The following ADGRL2 variants were observed in gnomAD, a reference collection of about 807,000 sequenced individuals.
ADGRL2 encodes the protein adhesion G protein-coupled receptor L2, also known as calcium-independent alpha-latrotoxin receptor 2.
In ADGRL2, 44 loss-of-function variants were observed where a neutral mutation model predicts 157.4. That is an observed-to-expected ratio of 0.28 (90% CI 0.22 to 0.36). The LOEUF (loss-of-function observed/expected upper bound fraction) is 0.36, where lower values mean the gene tolerates loss of function less well. ADGRL2 is among the 10% of genes least tolerant of loss of function. The pLI is 1.00. For missense variants in ADGRL2, 1,510 were observed against 1,768.9 expected, an observed-to-expected ratio of 0.85 and a Z score of 2.63; for synonymous variants, 585 against 624.7, an observed-to-expected ratio of 0.94 and a Z score of 0.95.
At chr1:81,938,720 T>C (rs1006008494) in intron 4 of ADGRL2, among the ~76,000 whole-genome samples, 1 of 151,624 alleles carries the variant, frequency 6.6e-6, no homozygotes, top group Non-Finnish European at 1.5e-5. Context: ...TACTCTACAG[T>C]AGTGACACTC....
intron 1 of ADGRL2, among the ~76,000 whole-genome samples, chr1:81,390,537 G>A (rs550805062): frequency 9.9e-5 from 15 of 150,788 alleles, no homozygotes; most frequent in African/African-American, 3.6e-4. Flanking sequence ...AGCTCAAATA[G>A]CATGATAGAT....
At chr1:81,722,291 TA>T (rs1037353995) in intron 1 of ADGRL2, 4,303 of 423,418 alleles carry the variant, frequency 0.01, no homozygotes, top group East Asian at 0.015. Context: ...AGACTCCGTC[TA>T]AAAAAAAAAG....
chr1:81,532,968 CTATCATCTATCT>C (rs2079640569), intron 2 of ADGRL2, among the ~76,000 whole-genome samples: 1 of 149,930 alleles, frequency 6.7e-6, no homozygotes, highest in African/African-American at 2.4e-5. Context: ...ATCTATCTAT[CTATCATCTATCT>C]ATCTATCTAT....
chr1:81,557,467 GAAGAAAGAAAGAAAGAAGA>G (rs1208390910), intron 2 of ADGRL2: 3 of 122,094 alleles, frequency 2.5e-5, no homozygotes, highest in African/African-American at 6.2e-5. Context: ...AAGAAAGAAA[GAAGAAAGAAAGAAAGAAGA>G]AAGAAAGAAA....
At chr1:81,403,245 GTTTGT>G (rs780268880) in intron 1 of ADGRL2, among the ~76,000 whole-genome samples, 37,481 of 84,304 alleles carry the variant, frequency 0.44, 5,488 homozygotes, top group Non-Finnish European at 0.58. Flanking sequence ...TTTTGTTGTT[GTTTGT>G]TTGTTTGTTT....
chr1:81,397,048 T>C (rs1479181280), intron 1 of ADGRL2, among the ~76,000 whole-genome samples: 1 of 152,188 alleles, frequency 6.6e-6, no homozygotes, highest in African/African-American at 2.4e-5. Context: ...TAAGAACAAT[T>C]GGTATTCATT....
At chr1:81,650,471 G>A (rs1395351887) in intron 3 of ADGRL2, among the ~76,000 whole-genome samples, 2 of 151,686 alleles carry the variant, frequency 1.3e-5, no homozygotes, top group African/African-American at 4.8e-5. Flanking sequence ...AGCTACTCGG[G>A]AGGCTGAGGC....
intron 1 of ADGRL2, among the ~76,000 whole-genome samples, chr1:81,344,666 C>CA (rs71592731): frequency 0.41 from 22,328 of 54,960 alleles, 4,505 homozygotes; most frequent in African/African-American, 0.44. Context: ...AACTCTGTCT[C>CA]AAAAAAAAAA....
intron 2 of ADGRL2, chr1:81,502,006 C>A (rs1230906459): frequency 3.1e-5 from 49 of 1,605,104 alleles, no homozygotes; most frequent in Non-Finnish European, 3.7e-5. Context: ...TTCCACCCAC[C>A]GCAGCAGTGG....
chr1:81,469,841 G>A (rs910040807), intron 2 of ADGRL2, among the ~76,000 whole-genome samples: 2 of 152,182 alleles, frequency 1.3e-5, no homozygotes, highest in Non-Finnish European at 1.5e-5. Context: ...CACCTCGTCA[G>A]TGTGCTTCTT....
chr1:81,885,901 AC>A (rs1377760114), intron 2 of ADGRL2, among the ~76,000 whole-genome samples: 8 of 152,148 alleles, frequency 5.3e-5, no homozygotes, highest in Admixed American at 4.6e-4. Context: ...CAAAACTGTG[AC>A]GAATTAGGCT....
chr1:81,474,087 T>C (rs187606694), intron 2 of ADGRL2, among the ~76,000 whole-genome samples: 1 of 152,328 alleles, frequency 6.6e-6, no homozygotes, highest in Admixed American at 6.5e-5. Context: ...GGTCTCCCAG[T>C]GTAGGCAAGC....
chr1:81,895,559 A>AT (rs932994484), intron 2 of ADGRL2, among the ~76,000 whole-genome samples: 10 of 151,250 alleles, frequency 6.6e-5, no homozygotes, highest in African/African-American at 1.9e-4. Flanking sequence ...CAGCTAGCTA[A>AT]TTTTTTTGTA....
chr1:81,812,889 A>C (rs1484739289), intron 1 of ADGRL2, among the ~76,000 whole-genome samples: 1 of 151,814 alleles, frequency 6.6e-6, no homozygotes, highest in African/African-American at 2.4e-5. Context: ...CTTGGGAAAA[A>C]AATGAATGCA....
intron 1 of ADGRL2, among the ~76,000 whole-genome samples, chr1:81,707,028 A>G (rs2083758675): frequency 1.3e-5 from 2 of 152,104 alleles, no homozygotes; most frequent in South Asian, 4.2e-4. Context: ...AGAAATAGGG[A>G]CTACCTCAAA....
At chr1:81,556,637 A>T (rs1025574231) in intron 2 of ADGRL2, among the ~76,000 whole-genome samples, 2 of 151,870 alleles carry the variant, frequency 1.3e-5, no homozygotes, top group African/African-American at 4.8e-5. Context: ...ATTTTTTTTT[A>T]CTTGGTTTAT....
At position 81,943,681 on chromosome 1, in the gene ADGRL2, C is replaced by T. The variant is rs373380927; in HGVS notation, c.1122C>T (p.Tyr374=). The T allele has an allele frequency of 1.9e-5, 31 of 1,613,246 alleles. No homozygotes were observed. Among genetic ancestry groups the T allele is most frequent in the African/African-American group, 2.7e-5 (2 of 74,870 alleles). Residue 374 remains tyrosine, a synonymous_variant, in exon 6 of 24, where the codon TAC becomes TAT. Coordinates refer to ENST00000686636, the MANE Select transcript of ADGRL2 (RefSeq NM_001366006.2). This position sits in a 1 kb window ranked among gnomAD's most constrained non-coding sequence, Gnocchi z 5.6. ...ATCAGTATATTGCTGCAGTGGATTA[C>T]AATCCAAGAGATAACCAACTTTACG... ...NQYQYIAAVD[Y]NPRDNQLYVW...
At chr1:81,849,504 TAA>T in intron 2 of ADGRL2, among the ~76,000 whole-genome samples, 1 of 152,000 alleles carries the variant, frequency 6.6e-6, no homozygotes, top group East Asian at 1.9e-4. Flanking sequence ...CTAAGGCAAC[TAA>T]AAGAATCATT....
At chr1:81,443,488 C>T (rs2077546247) in intron 1 of ADGRL2, among the ~76,000 whole-genome samples, 1 of 151,588 alleles carries the variant, frequency 6.6e-6, no homozygotes, top group Admixed American at 6.6e-5. Context: ...GTAGTCATAT[C>T]TTGATTAACC....
Sources: gnomAD v4.1 joint callset for allele counts (sites outside exome capture counted in the v4.1 genomes callset) on GRCh38, gnomAD v4.1.1 for gene constraint, Gnocchi (gnomAD v3.1) non-coding constraint, MANE v1.5 for transcripts, NCBI Gene and HGNC (gene_info 2026-07-23, HGNC 2026-07-21) for gene names.